Variants in QTMAN observed in about 807,000 individuals in gnomAD.
QTMAN encodes queuosine-tRNA mannosyltransferase.
At chr2:144,330,526 T>C in the QTMAN span, among the ~76,000 whole-genome samples, 1 of 152,150 alleles carries the variant, frequency 6.6e-6, no homozygotes, top group African/African-American at 2.4e-5. Context: ...AAAATATGAA[T>C]CGATTCTTGA....
the QTMAN span, among the ~76,000 whole-genome samples, chr2:143,996,983 A>G: frequency 6.6e-6 from 1 of 152,108 alleles, no homozygotes; most frequent in Non-Finnish European, 1.5e-5. Flanking sequence ...AGTTGAAGAG[A>G]CACAGTATTT....
the QTMAN span, among the ~76,000 whole-genome samples, chr2:144,258,263 A>C: frequency 6.6e-6 from 1 of 151,826 alleles, no homozygotes; most frequent in Non-Finnish European, 1.5e-5. Flanking sequence ...CAAATGAAAG[A>C]GGAAAAAAAA....
the QTMAN span, among the ~76,000 whole-genome samples, chr2:144,132,441 A>G: frequency 0.044 from 6,742 of 152,186 alleles, 497 homozygotes; most frequent in African/African-American, 0.15. Flanking sequence ...GCATTCTAAA[A>G]TAGAATACTA....
the QTMAN span, among the ~76,000 whole-genome samples, chr2:144,000,844 C>T: frequency 6.6e-6 from 1 of 151,984 alleles, no homozygotes; most frequent in Non-Finnish European, 1.5e-5. Flanking sequence ...CAGATTTACA[C>T]ATAACATTGA....
At chr2:144,030,902 C>T in the QTMAN span, among the ~76,000 whole-genome samples, 3 of 152,106 alleles carry the variant, frequency 2.0e-5, no homozygotes, top group African/African-American at 7.2e-5. Context: ...GGAACTTGTT[C>T]ATTTCTGTGA....
At chr2:144,227,324 G>A in the QTMAN span, among the ~76,000 whole-genome samples, 1 of 151,928 alleles carries the variant, frequency 6.6e-6, no homozygotes, top group Non-Finnish European at 1.5e-5. Context: ...TTTACTCATG[G>A]AATACCCAGC....
chr2:144,018,598 A>G, the QTMAN span, among the ~76,000 whole-genome samples: 1 of 152,242 alleles, frequency 6.6e-6, no homozygotes, highest in Non-Finnish European at 1.5e-5. Flanking sequence ...AGATGGATAA[A>G]TTTGAAATAT....
the QTMAN span, among the ~76,000 whole-genome samples, chr2:144,250,289 A>G: frequency 0.038 from 5,769 of 151,956 alleles, 349 homozygotes; most frequent in African/African-American, 0.13. Context: ...GTTTACAGGC[A>G]TGCACCATCA....
chr2:144,160,628 C>A, the QTMAN span, among the ~76,000 whole-genome samples: 1 of 152,090 alleles, frequency 6.6e-6, no homozygotes, highest in Admixed American at 6.6e-5. Flanking sequence ...AAGACTGTAA[C>A]GCAGTGATCA....
the QTMAN span, among the ~76,000 whole-genome samples, chr2:144,044,785 T>G: frequency 2.0e-5 from 3 of 152,218 alleles, no homozygotes; most frequent in Admixed American, 2.0e-4. Flanking sequence ...GATACAGATG[T>G]ACTGGTGTAC....
the QTMAN span, among the ~76,000 whole-genome samples, chr2:144,238,884 C>T: frequency 6.6e-6 from 1 of 152,008 alleles, no homozygotes; most frequent in East Asian, 2.0e-4. Flanking sequence ...TATTCTCATT[C>T]CTCACTCTAC....
chr2:144,115,973 C>T, the QTMAN span, among the ~76,000 whole-genome samples: 1 of 152,080 alleles, frequency 6.6e-6, no homozygotes, highest in Non-Finnish European at 1.5e-5. Context: ...TATTACCCTG[C>T]AAGTCTGTTT....
chr2:144,251,181 A>G, the QTMAN span, among the ~76,000 whole-genome samples: 1 of 152,148 alleles, frequency 6.6e-6, no homozygotes, highest in East Asian at 1.9e-4. Context: ...CAAATAATGT[A>G]TTTTTTAAAA....
the QTMAN span, among the ~76,000 whole-genome samples, chr2:144,302,331 A>G: frequency 1.3e-5 from 2 of 152,164 alleles, no homozygotes; most frequent in Non-Finnish European, 2.9e-5. Context: ...AAAAAGAAAG[A>G]TATCGATTAC....
the QTMAN span, among the ~76,000 whole-genome samples, chr2:144,239,661 C>CA: frequency 6.6e-5 from 10 of 151,950 alleles, no homozygotes; most frequent in African/African-American, 1.9e-4. Context: ...AGAAAACCCA[C>CA]AAAAAAATGG....
the QTMAN span, among the ~76,000 whole-genome samples, chr2:144,176,706 A>C: frequency 6.6e-6 from 1 of 152,202 alleles, no homozygotes; most frequent in African/African-American, 2.4e-5. Flanking sequence ...AGATTACATA[A>C]ATAAATTTTT....
At chr2:144,320,970 T>C in the QTMAN span, among the ~76,000 whole-genome samples, 10 of 152,214 alleles carry the variant, frequency 6.6e-5, no homozygotes, top group Non-Finnish European at 1.5e-5. Context: ...GTCTTTTTGT[T>C]ATTTGAGTTC....
the QTMAN span, among the ~76,000 whole-genome samples, chr2:144,256,846 T>C: frequency 1.3e-5 from 2 of 151,866 alleles, no homozygotes; most frequent in East Asian, 3.9e-4. Context: ...ACCCACACAT[T>C]CAGCACATGT....
At chr2:144,232,805 C>T in the QTMAN span, among the ~76,000 whole-genome samples, 1 of 152,128 alleles carries the variant, frequency 6.6e-6, no homozygotes, top group Non-Finnish European at 1.5e-5. Context: ...TCATCGAATG[C>T]TTGCTCATAG....
Sources: gnomAD v4.1 joint callset for allele counts (sites outside exome capture counted in the v4.1 genomes callset) on GRCh38, gnomAD v4.1.1 for gene constraint, MANE v1.5 for transcripts, NCBI Gene and HGNC (gene_info 2026-07-23, HGNC 2026-07-21) for gene names.